CCDC92: variants seen among roughly 807,000 people sequenced by gnomAD.
CCDC92 encodes the protein coiled-coil domain containing 92.
Under a neutral mutation model 24.9 loss-of-function variants are expected in CCDC92, and 12 were observed. That is an observed-to-expected ratio of 0.48 (90% CI 0.31 to 0.78). The LOEUF is 0.78. Among genes scored for constraint, CCDC92 ranks in the 30% least tolerant of loss-of-function variants. CCDC92 has a pLI of 0.05. For missense variants in CCDC92, 399 were observed against 439.4 expected, an observed-to-expected ratio of 0.91 and a Z score of 0.82; for synonymous variants, 193 against 196.3, an observed-to-expected ratio of 0.98 and a Z score of 0.14.
At position 123,937,234 on chromosome 12, in the gene CCDC92, C is replaced by T. The variant is rs375219968; in HGVS notation, c.820G>A (p.Gly274Ser). 32 of 1,610,144 alleles carry T rather than the reference C, an allele frequency of 2.0e-5. No homozygotes were observed. Among genetic ancestry groups the T allele is most frequent in the African/African-American group, 1.2e-4 (9 of 74,884 alleles). Residue 274 changes from glycine to serine, a missense_variant, in exon 5 of 5, where the codon GGC becomes AGC. Gly to Ser is a moderately conservative substitution (Grantham distance 56). Coordinates refer to ENST00000238156, the MANE Select transcript of CCDC92 (RefSeq NM_025140.3). The surrounding 1 kb of genome is among the most constrained non-coding windows in gnomAD (Gnocchi z 8.4). ...VIPPIASDRS[G>S]EQHSPAREKP... ...TCGCGGGCCGGGCTGTGCTGCTCGCCGCTTCGGTCGGAGGCGATGGGGGGG... is the reference window on the plus strand; with the variant it reads ...TCGCGGGCCGGGCTGTGCTGCTCGCTGCTTCGGTCGGAGGCGATGGGGGGG...
intron 1 of CCDC92, among the ~76,000 whole-genome samples, chr12:123,951,926 A>G (rs933105498): frequency 2.0e-5 from 3 of 152,128 alleles, no homozygotes; most frequent in Non-Finnish European, 4.4e-5. Context: ...GGCATCCAAC[A>G]CCCCTTTGTT....
intron 1 of CCDC92, among the ~76,000 whole-genome samples, chr12:123,951,786 G>C (rs918170617): frequency 6.6e-6 from 1 of 152,254 alleles, no homozygotes; most frequent in Non-Finnish European, 1.5e-5. Flanking sequence ...AGGCTGGCCA[G>C]AGAACAAAGG....
At chr12:123,939,787 C>T (rs1412623980) in intron 4 of CCDC92, among the ~76,000 whole-genome samples, 7 of 152,216 alleles carry the variant, frequency 4.6e-5, no homozygotes, top group Non-Finnish European at 8.8e-5. Flanking sequence ...GACACACACA[C>T]GACTCTGTAG....
chr12:123,971,075 G>C (rs1032858780), intron 1 of CCDC92, among the ~76,000 whole-genome samples: 2 of 152,178 alleles, frequency 1.3e-5, no homozygotes, highest in Admixed American at 6.5e-5. Context: ...TTGTTAGACC[G>C]ATGTATTTAA....
intron 4 of CCDC92, among the ~76,000 whole-genome samples, chr12:123,940,057 TC>T (rs1279245596): frequency 6.6e-6 from 1 of 152,146 alleles, no homozygotes; most frequent in Non-Finnish European, 1.5e-5. Flanking sequence ...GGATTTTTCT[TC>T]CCCCAGGCAG....
At chr12:123,941,574 GAGA>G (rs943609023) in intron 4 of CCDC92, among the ~76,000 whole-genome samples, 2 of 152,234 alleles carry the variant, frequency 1.3e-5, no homozygotes, top group Admixed American at 1.3e-4. Context: ...GTGGGGAATG[GAGA>G]AGTTCTTCAA....
chr12:123,954,441 C>T (rs571629894), intron 1 of CCDC92, among the ~76,000 whole-genome samples: 7 of 152,164 alleles, frequency 4.6e-5, no homozygotes, highest in African/African-American at 1.4e-4. Flanking sequence ...ACATTAAAGT[C>T]GTAATGGATG....
chr12:123,969,461 GTTTTTTTTT>G (rs60485501), intron 1 of CCDC92, among the ~76,000 whole-genome samples: 8 of 93,058 alleles, frequency 8.6e-5, no homozygotes, highest in Admixed American at 3.7e-4. Context: ...CTCTTATTCA[GTTTTTTTTT>G]TTTTTTTTTT....
At chr12:123,972,043 G>A (rs1249153303) in intron 1 of CCDC92, 1 of 152,270 alleles carries the variant, frequency 6.6e-6, no homozygotes, top group African/African-American at 2.4e-5. Context: ...AGGCCCCGGG[G>A]CGCTCCTGGT....
At chr12:123,946,979 C>A (rs1025600094) in intron 1 of CCDC92, among the ~76,000 whole-genome samples, 1 of 152,084 alleles carries the variant, frequency 6.6e-6, no homozygotes, top group African/African-American at 2.4e-5. Context: ...CTGCGTGCGG[C>A]GGCGCTTGCA....
intron 1 of CCDC92, among the ~76,000 whole-genome samples, chr12:123,953,348 TTA>T (rs754444702): frequency 5.3e-5 from 8 of 152,180 alleles, no homozygotes; most frequent in Non-Finnish European, 7.3e-5. Context: ...ATGCAATAAT[TTA>T]AAATAGTGTA....
At chr12:123,956,713 T>G (rs947487161) in intron 1 of CCDC92, among the ~76,000 whole-genome samples, 1 of 152,216 alleles carries the variant, frequency 6.6e-6, no homozygotes, top group African/African-American at 2.4e-5. Flanking sequence ...AGAAGGCAAA[T>G]AGGTGTTACT....
Position 123,942,763 on chromosome 12 carries a change from G to T in CCDC92, c.204C>A (p.Val68=). Residue 68 remains valine (V), a synonymous_variant, in exon 4 of 5, where the codon GTC becomes GTA. Transcript: ENST00000238156. ...TCTTACCTGTCTGTTCCGAACTTTT[G>T]ACTGTCAGCTCATATGTTAAATCTA... The part of the protein sequence containing the change: ...HCTDLTYELT[V]KSSEQTGDGT... 1.2e-6 allele frequency: 2 copies of T among 1,608,194 alleles called. No individual in the cohort carries two copies. The highest frequency in any genetic ancestry group is 1.7e-6 in the Non-Finnish European group (2 of 1,174,552).
At chr12:123,961,933 G>A (rs1379553179) in intron 1 of CCDC92, among the ~76,000 whole-genome samples, 1 of 152,166 alleles carries the variant, frequency 6.6e-6, no homozygotes, top group African/African-American at 2.4e-5. Flanking sequence ...CTCTCAACTA[G>A]ATAATATACT....
intron 1 of CCDC92, among the ~76,000 whole-genome samples, chr12:123,963,631 T>A (rs1198746721): frequency 6.6e-6 from 1 of 152,212 alleles, no homozygotes; most frequent in Admixed American, 6.5e-5. Context: ...GAGATTTTGC[T>A]TTTCTTCTAT....
intron 4 of CCDC92, among the ~76,000 whole-genome samples, chr12:123,941,877 C>T (rs559277616): frequency 6.6e-6 from 1 of 152,344 alleles, no homozygotes; most frequent in Non-Finnish European, 1.5e-5. Context: ...GGAAACTGGA[C>T]ACAGTCATAG....
At chr12:123,961,317 T>G (rs1956267330) in intron 1 of CCDC92, 1 of 152,106 alleles carries the variant, frequency 6.6e-6, no homozygotes, top group South Asian at 2.1e-4. Context: ...AATGAGTGAA[T>G]AAGGACTGGA....
intron 1 of CCDC92, among the ~76,000 whole-genome samples, chr12:123,948,222 G>A (rs1234840752): frequency 6.6e-6 from 1 of 152,236 alleles, no homozygotes; most frequent in Non-Finnish European, 1.5e-5. Flanking sequence ...ATATGTAGAT[G>A]TCAGTATTTT....
intron 1 of CCDC92, among the ~76,000 whole-genome samples, chr12:123,959,908 GGA>G (rs1333380748): frequency 5.3e-5 from 8 of 152,194 alleles, no homozygotes; most frequent in Non-Finnish European, 8.8e-5. Flanking sequence ...GCTTCAATAT[GGA>G]GAGTCATCCA....
Sources: gnomAD v4.1 joint callset for allele counts (sites outside exome capture counted in the v4.1 genomes callset) on GRCh38, gnomAD v4.1.1 for gene constraint, Gnocchi (gnomAD v3.1) non-coding constraint, MANE v1.5 for transcripts, NCBI Gene and HGNC (gene_info 2026-07-23, HGNC 2026-07-21) for gene names.